Variants in PKD1 observed in about 807,000 individuals in gnomAD.
The protein encoded by PKD1 is polycystin 1, transient receptor potential channel interacting, also known as polycystin-1.
In PKD1, 81 loss-of-function variants were observed where a neutral mutation model predicts 361.7. The ratio of observed to expected loss-of-function variants is 0.22; its 90% CI spans 0.19 to 0.27. The LOEUF is 0.27. PKD1 is among the 10% of genes least tolerant of loss of function. The pLI is 1.00. For missense variants in PKD1, 6,399 were observed against 6,118.3 expected, an observed-to-expected ratio of 1.05 and a Z score of -1.53; for synonymous variants, 3,615 against 2,818.3, an observed-to-expected ratio of 1.28 and a Z score of -8.95.
In PKD1 at chr16:2,091,156, C is replaced by T; in HGVS notation, c.11731G>A (p.Ala3911Thr). The change falls in exon 43 of 46, where the codon GCC becomes ACC. Residue 3911 changes from alanine (A) to threonine (T), a missense_variant. Coordinates refer to ENST00000262304, the MANE Select transcript of PKD1 (RefSeq NM_001009944.3). The part of the protein sequence containing the change: ...LLTSVCLLLF[A>T]VHFAVAEART... ...GCCTCGGCCACGGCGAAGTGCACGG[C>T]GAACAGCAGCAGGCACACCTGTGGG... The T allele has an allele frequency of 6.8e-7, 1 of 1,471,148 alleles. No homozygotes were observed. Among genetic ancestry groups the T allele is most frequent in the Non-Finnish European group, 8.9e-7 (1 of 1,119,422 alleles). The allele number at this position is 1,471,148 out of a possible 1,614,324, so 91.1% of individuals were successfully genotyped here. A position where few individuals can be genotyped will look rare whatever the true frequency, so the allele number is the denominator to read the frequency against.
Position 2,109,436 on chromosome 16 carries a change from G to T in PKD1, c.5731C>A (p.Leu1911Met). The change falls in exon 15 of 46, where the codon CTG becomes ATG. Residue 1911 changes from leucine to methionine, a missense_variant. Physicochemically the swap from Leu to Met is conservative, Grantham distance 15. Transcript: ENST00000262304. ...PGQLVHFQIL[L>M]AAGSAVTFRL... Reference sequence around the variant, plus strand: ...AAGGTGACAGCTGAGCCGGCAGCCAGCAGGATCTGAAAATGGACCAGCTGC... The same window carrying T: ...AAGGTGACAGCTGAGCCGGCAGCCATCAGGATCTGAAAATGGACCAGCTGC... 6.2e-7 allele frequency: 1 copy of T among 1,605,284 alleles called. No individual in the cohort carries two copies.
In PKD1 at chr16:2,110,803, T is replaced by C. The variant is rs745758758; in HGVS notation, c.4364A>G (p.Asn1455Ser). ...VTASNNISAANDSALVEVQEP... is the reference protein window; with the variant it reads ...VTASNNISAASDSALVEVQEP... ...CTGCACCTCCACCAGGGCTGAGTCATTGGCAGCAGAGATGTTGTTGGACGC... is the reference window on the plus strand; with the variant it reads ...CTGCACCTCCACCAGGGCTGAGTCACTGGCAGCAGAGATGTTGTTGGACGC... Residue 1455 changes from asparagine (N) to serine (S), a missense_variant, in exon 15 of 46, where the codon AAT (asparagine) becomes AGT (serine). By Grantham distance (46) the Asn-to-Ser change is conservative (BLOSUM62 1). Transcript: ENST00000262304. 23 of 1,611,372 alleles carry C rather than the reference T, an allele frequency of 1.4e-5. No homozygotes were observed. The highest frequency in any genetic ancestry group is 1.9e-5 in the Non-Finnish European group (23 of 1,179,808).
intron 30 of PKD1, chr16:2,099,172 C>T: frequency 3.0e-6 from 1 of 338,982 alleles, no homozygotes; most frequent in Non-Finnish European, 5.8e-6. Flanking sequence ...GCTATGTTGC[C>T]CAGGCTGGTC....
intron 24 of PKD1, 88 bp from the exon 25 acceptor site, chr16:2,102,721 T>C: frequency 6.2e-7 from 1 of 1,605,934 alleles, no homozygotes; most frequent in Non-Finnish European, 8.5e-7. Context: ...TCCAGTCCCC[T>C]CGCTGCCTGC....
chr16:2,122,551 C>T (rs2092737943), intron 1 of PKD1, among the ~76,000 whole-genome samples: 1 of 152,222 alleles, frequency 6.6e-6, no homozygotes, highest in Non-Finnish European at 1.5e-5. Context: ...ACCATCCCCG[C>T]CGTGGGGTGG....
Position 2,090,432 on chromosome 16 carries a change from T to A in PKD1, c.12297A>T (p.Leu4099=). The change falls in exon 45 of 46, where the codon CTA becomes CTT. Residue 4099 remains leucine (L), a synonymous_variant. Coordinates refer to ENST00000262304, the MANE Select transcript of PKD1 (RefSeq NM_001009944.3). The part of the protein sequence containing the change: ...GLWALRLWGA[L]RLGAVILRWR... The stretch of plus-strand genomic sequence containing the variant: ...AGCGGAGAATAACAGCCCCCAGCCG[T>A]AGGGCGCCCCACAGCCGCAGTGCCC... 6.2e-7 allele frequency: 1 copy of A among 1,612,448 alleles called. No individual in the cohort carries two copies. Among genetic ancestry groups the A allele is most frequent in the South Asian group, 1.1e-5 (1 of 91,086 alleles).
At position 2,109,654 on chromosome 16, in the gene PKD1, C is replaced by T. The variant is rs1387663494; in HGVS notation, c.5513G>A (p.Cys1838Tyr). The T allele has an allele frequency of 6.3e-7, 1 of 1,591,220 alleles. No individual in the cohort carries two copies. The highest frequency in any genetic ancestry group is 8.5e-7 in the Non-Finnish European group (1 of 1,169,908). ...QLATGTNVSWCWAVPGGSSKR... is the reference protein window; with the variant it reads ...QLATGTNVSWYWAVPGGSSKR... Reference sequence around the variant, plus strand: ...GCTGCTGCCGCCGGGCACAGCCCAGCACCAGCTCACATTGGTGCCCGTGGC... The same window carrying T: ...GCTGCTGCCGCCGGGCACAGCCCAGTACCAGCTCACATTGGTGCCCGTGGC... Residue 1838 changes from cysteine to tyrosine, a missense_variant, in exon 15 of 46, where the codon TGC becomes TAC. Physicochemically the swap from Cys to Tyr is radical, Grantham distance 194 (BLOSUM62 -2). Transcript: ENST00000262304.
At position 2,091,305 on chromosome 16, in the gene PKD1, C is replaced by A. The variant is rs1275586395; in HGVS notation, c.11712+118G>T. ...GCCGGGGCGGGGCCCTGCGAGGGGG[C>A]GGGACGCTGCGAGGGGGCGGGGCGC... On this transcript the variant is annotated intron_variant, in intron 42 of 45. Coordinates refer to ENST00000262304, the MANE Select transcript of PKD1 (RefSeq NM_001009944.3). 1.1e-4 allele frequency: 33 copies of A among 295,300 alleles called. No homozygotes were observed. In the East Asian group the frequency reaches 2.0e-3, roughly 18 times the overall value. The allele number at this position is 295,300 out of a possible 1,614,324, so 18.3% of individuals were successfully genotyped here. A position where few individuals can be genotyped will look rare whatever the true frequency, so the allele number is the denominator to read the frequency against.
chr16:2,104,325 G>A (rs1337457012), intron 22 of PKD1, among the ~76,000 whole-genome samples, 173 bp downstream of exon 22: 1 of 86,396 alleles, frequency 1.2e-5, no homozygotes, highest in Non-Finnish European at 2.4e-5. Flanking sequence ...TAATAGGGAA[G>A]GGGGAGGGGG....
Position 2,091,764 on chromosome 16 carries a change from G to T in PKD1, c.11537+17C>A, listed in dbSNP as rs201660914. 1 of 1,609,602 alleles carries T rather than the reference G, an allele frequency of 6.2e-7. No homozygotes were observed. The highest frequency in any genetic ancestry group is 1.3e-5 in the African/African-American group (1 of 74,968). ...GACTGCGGCCACCCCGGAGAGGGCA[G>T]GGGAGGGAGCTCCCACCTGTTGTCC... On this transcript the variant is annotated intron_variant, in intron 41 of 45. Coordinates refer to ENST00000262304, the MANE Select transcript of PKD1 (RefSeq NM_001009944.3).
rs1381243766 is a variant in PKD1 at position 2,114,350 on chromosome 16, A to G, written c.2673T>C (p.Asp891=). 6.2e-7 allele frequency: 1 copy of G among 1,610,330 alleles called. No individual in the cohort carries two copies. The highest frequency in any genetic ancestry group is 1.7e-5 in the Admixed American group (1 of 60,002). ...FVPGCPWETN[D]TLFSVVALPW... The stretch of plus-strand genomic sequence containing the variant: ...GCAGTGCTACCACTGAGAACAGGGT[A>G]TCGTTGGTCTCCCAGGGGCAGCCGG... The change falls in exon 11 of 46, where the codon GAT becomes GAC. Residue 891 remains aspartate, a synonymous_variant. Coordinates refer to ENST00000262304, the MANE Select transcript of PKD1 (RefSeq NM_001009944.3).
At position 2,100,075 on chromosome 16, in the gene PKD1, G is replaced by C. The variant is rs200434097; in HGVS notation, c.9713-4C>G. ...AAGCGCAAAAGGGCTGCGTCGCCTA[G>C]AAGGCAGGGAGGGCCGCACTGCAGG... On this transcript the variant is annotated splice_polypyrimidine_tract_variant and splice_region_variant and intron_variant, in intron 28 of 45. Coordinates refer to ENST00000262304, the MANE Select transcript of PKD1 (RefSeq NM_001009944.3). This position sits in a 1 kb window ranked among gnomAD's most constrained non-coding sequence, Gnocchi z 4.4. The C allele has an allele frequency of 1.9e-6, 3 of 1,602,452 alleles. No individual in the cohort carries two copies. Among genetic ancestry groups the C allele is most frequent in the Non-Finnish European group, 1.7e-6 (2 of 1,175,984 alleles).
rs1357319047 is a variant in PKD1 at position 2,111,448 on chromosome 16, T to A, written c.3719A>T (p.Asn1240Ile). 1.2e-6 allele frequency: 2 copies of A among 1,611,874 alleles called. No homozygotes were observed. Among genetic ancestry groups the A allele is most frequent in the East Asian group, 4.5e-5 (2 of 44,856 alleles). ...VVSAAVQTGD[N>I]ITWTFDMGDG... ...CCCCATGTCGAAGGTCCACGTGATGTTGTCGCCCGTCTGCACCGCGGCGCT... is the reference window on the plus strand; with the variant it reads ...CCCCATGTCGAAGGTCCACGTGATGATGTCGCCCGTCTGCACCGCGGCGCT... The change falls in exon 15 of 46, where the codon AAC becomes ATC. Residue 1240 changes from asparagine (N) to isoleucine (I), a missense_variant. By Grantham distance (149) the Asn-to-Ile change is moderately radical. Coordinates refer to ENST00000262304, the MANE Select transcript of PKD1 (RefSeq NM_001009944.3).
Position 2,097,771 on chromosome 16 carries a change from C to A in PKD1, c.10177G>T (p.Val3393Phe). 6.2e-7 allele frequency: 1 copy of A among 1,611,458 alleles called. No homozygotes were observed. Among genetic ancestry groups the A allele is most frequent in the African/African-American group, 1.3e-5 (1 of 75,000 alleles). The change falls in exon 32 of 46, where the codon GTT (valine) becomes TTT (phenylalanine). Residue 3393 changes from valine to phenylalanine, a missense_variant. Val to Phe is a conservative substitution (Grantham distance 50). Transcript: ENST00000262304. The stretch of plus-strand genomic sequence containing the variant: ...AACAAGTCACTCTTCATCTGTCCAA[C>A]AAAGGCCTGCTGAGAGGTGCACAGT... ...FSGLHAEQAF[V>F]GQMKSDLFLD...
In PKD1 at chr16:2,107,865, G is replaced by C; in HGVS notation, c.7065+18C>G. ...TGGGCTGTCCAAGGCAAGTGGCCGAGGGGCGGGCGGCACCCACCGTCTGGT... is the reference window on the plus strand; with the variant it reads ...TGGGCTGTCCAAGGCAAGTGGCCGACGGGCGGGCGGCACCCACCGTCTGGT... On this transcript the variant is annotated intron_variant, in intron 16 of 45. Coordinates refer to ENST00000262304, the MANE Select transcript of PKD1 (RefSeq NM_001009944.3). 1.3e-6 allele frequency: 2 copies of C among 1,541,982 alleles called. No homozygotes were observed. Among genetic ancestry groups the C allele is most frequent in the African/African-American group, 1.4e-5 (1 of 73,076 alleles).
Position 2,108,591 on chromosome 16 carries a change from G to A in PKD1, c.6576C>T (p.Thr2192=), listed in dbSNP as rs764317287. The A allele has an allele frequency of 2.8e-4, 433 of 1,557,772 alleles. 1 individual carries two copies. The highest frequency in any genetic ancestry group is 3.3e-4 in the Non-Finnish European group (383 of 1,151,306). Residue 2192 remains threonine (T), a synonymous_variant, in exon 15 of 46, where the codon ACC becomes ACT. Transcript: ENST00000262304. The part of the protein sequence containing the change: ...QTEYRWEVYR[T]ASCQRPGRPA... ...GGCGCCCCGGCCGCTGGCAGCTGGC[G>A]GTGCGATACACCTCCCAGCGGTACT...
intron 26 of PKD1, among the ~76,000 whole-genome samples, chr16:2,101,461 T>C (rs1378397612): frequency 6.6e-6 from 1 of 151,488 alleles, no homozygotes; most frequent in Non-Finnish European, 1.5e-5. Flanking sequence ...GCTGACATGG[T>C]GAAAAATTAA....
In PKD1 at chr16:2,118,236, C is replaced by T; in HGVS notation, c.756G>A (p.Pro252=). The change falls in exon 5 of 46, where the codon CCG becomes CCA. Residue 252 remains proline (P), a synonymous_variant. Coordinates refer to ENST00000262304, the MANE Select transcript of PKD1 (RefSeq NM_001009944.3). This position sits in a 1 kb window ranked among gnomAD's most constrained non-coding sequence, Gnocchi z 6.0. ...CCCTACAGGTGGGGGCAGGAGGTGG[C>T]GGGGGGCCGGAGCAGAGGGACAGGC... is the stretch of plus-strand genomic sequence containing the variant. ...FACLSLCSGP[P]PPPAPTCRGP... is the part of the protein sequence containing the mutation. 2.0e-6 allele frequency: 3 copies of T among 1,529,394 alleles called. No individual in the cohort carries two copies. The highest frequency in any genetic ancestry group is 2.6e-6 in the Non-Finnish European group (3 of 1,140,778). 94.7% of individuals were successfully genotyped at this position (1,529,394 alleles called of 1,614,324 possible).
At chr16:2,123,969 G>A (rs571204881) in intron 1 of PKD1, among the ~76,000 whole-genome samples, 9 of 152,314 alleles carry the variant, frequency 5.9e-5, no homozygotes, top group East Asian at 5.8e-4. Flanking sequence ...AGCGCCGAGC[G>A]TCCGATCTGG....
Sources: gnomAD v4.1 joint callset for allele counts (sites outside exome capture counted in the v4.1 genomes callset) on GRCh38, gnomAD v4.1.1 for gene constraint, Gnocchi (gnomAD v3.1) non-coding constraint, MANE v1.5 for transcripts, NCBI Gene and HGNC (gene_info 2026-07-23, HGNC 2026-07-21) for gene names.